TBC1D1: variants seen among roughly 807,000 people sequenced by gnomAD.
TBC1D1 encodes the protein TBC1 (tre-2/USP6, BUB2, cdc16) domain family, member 1.
Under a neutral mutation model 125.6 loss-of-function variants are expected in TBC1D1, and 89 were observed. The ratio of observed to expected loss-of-function variants is 0.71; its 90% confidence interval spans 0.60 to 0.85. The LOEUF is 0.85. Among genes scored for constraint, TBC1D1 ranks in the 40% least tolerant of loss-of-function variants. TBC1D1 has a pLI of 0.00. For missense variants in TBC1D1, 1,377 were observed against 1,469.2 expected (o/e 0.94, Z 1.03); for synonymous variants, 565 against 564.1 (o/e 1.00, Z -0.02).
chr4:38,028,071 A>G (rs753999156), intron 7 of TBC1D1, among the ~76,000 whole-genome samples, 192 bp downstream of exon 7: 181 of 151,946 alleles, frequency 1.2e-3, no homozygotes, highest in Non-Finnish European at 2.2e-3. Flanking sequence ...ATTGTCCTGG[A>G]CCACACATAA....
rs1271339126 is a variant in TBC1D1, at chr4:38,138,500, G to C, written c.*1165G>C. On this transcript the variant is annotated 3_prime_UTR_variant, in exon 20 of 20. Transcript: ENST00000261439. ...AGGCTGAAACTGCAGTCAGATTTATGACAGCTGACAGTTTTTCAGAGGTCG... is the reference window on the plus strand; with the variant it reads ...AGGCTGAAACTGCAGTCAGATTTATCACAGCTGACAGTTTTTCAGAGGTCG... 6.6e-6 allele frequency: 1 copy of C among 152,564 alleles called. No individual in the cohort carries two copies. The highest frequency in any genetic ancestry group is 1.5e-5 in the Non-Finnish European group (1 of 68,028). The allele number at this position is 152,564 out of a possible 1,614,324, so 9.5% of individuals were successfully genotyped here.
chr4:37,934,330 A>G (rs904124092), intron 2 of TBC1D1, among the ~76,000 whole-genome samples: 2 of 152,176 alleles, frequency 1.3e-5, no homozygotes, highest in African/African-American at 4.8e-5. Flanking sequence ...GGCTGTACCC[A>G]GGCACGTGGA....
intron 2 of TBC1D1, among the ~76,000 whole-genome samples, chr4:38,005,870 CATG>C (rs909448219): frequency 3.4e-4 from 52 of 152,306 alleles, no homozygotes; most frequent in African/African-American, 1.3e-3. Flanking sequence ...ATGGAGAAGA[CATG>C]ATGCCATGGT....
At chr4:38,080,120 C>T (rs6825877) in intron 12 of TBC1D1, among the ~76,000 whole-genome samples, 13 of 152,124 alleles carry the variant, frequency 8.5e-5, no homozygotes, top group African/African-American at 1.4e-4. Context: ...GAACTTCTCC[C>T]GTAGACTGAA....
rs1762240948 is a variant in TBC1D1, at chr4:38,111,781, A to T, written c.2558-3929A>T. The T allele has an allele frequency of 1.1e-5, 3 of 262,252 alleles. No individual in the cohort carries two copies. In the South Asian group the frequency reaches 4.3e-4, roughly 38 times the overall value. 16.2% of individuals were successfully genotyped at this position (262,252 alleles called of 1,614,324 possible). ...GAGAACTATTGACCTGGAAGAATGT[A>T]AAATAGGAAAACAGTGTCTCCCCCA... is the stretch of plus-strand genomic sequence containing the variant. On this transcript the variant is annotated intron_variant, in intron 15 of 19. Coordinates refer to ENST00000261439, the MANE Select transcript of TBC1D1 (RefSeq NM_015173.4).
At chr4:38,024,362 C>T (rs1744658025) in intron 6 of TBC1D1, among the ~76,000 whole-genome samples, 2 of 152,336 alleles carry the variant, frequency 1.3e-5, no homozygotes, top group South Asian at 2.1e-4. Flanking sequence ...GAAGATAAAG[C>T]AGAGCACGAT....
rs544113181 is a variant in TBC1D1 at position 38,051,145 on chromosome 4, T to C, written c.1910+1247T>C. Among the ~76,000 whole-genome samples the C allele has an allele frequency of 2.6e-5, 4 of 152,340 alleles. No homozygotes were observed. The East Asian group carries it at 7.7e-4, about 29-fold the overall frequency. On this transcript the variant is annotated intron_variant, in intron 11 of 19. Transcript: ENST00000261439. ...GTTCTCTTGTGAAGTCTGCTGTTTCTCAAAAGCCAGAGTTGATAGGACTTA... is the reference window on the plus strand; with the variant it reads ...GTTCTCTTGTGAAGTCTGCTGTTTCCCAAAAGCCAGAGTTGATAGGACTTA...
chr4:37,910,416 A>T (rs902960244), intron 2 of TBC1D1, among the ~76,000 whole-genome samples: 2 of 152,250 alleles, frequency 1.3e-5, no homozygotes, highest in African/African-American at 2.4e-5. Flanking sequence ...AATATGTAAA[A>T]ATCTCAATAG....
intron 2 of TBC1D1, among the ~76,000 whole-genome samples, chr4:37,950,931 A>G (rs181219375): frequency 6.6e-6 from 1 of 151,718 alleles, no homozygotes; most frequent in Non-Finnish European, 1.5e-5. Context: ...GCTAATTTTT[A>G]TATTTCTTTT....
chr4:38,075,676 G>T lies in TBC1D1; in HGVS notation c.2051-14256G>T, dbSNP rs544964060. Reference sequence around the variant, plus strand: ...CCAGATAAGCATTGTGTAATGGGATGGGTGGGGTTAGATATTTTAGTCACA... The same window carrying T: ...CCAGATAAGCATTGTGTAATGGGATTGGTGGGGTTAGATATTTTAGTCACA... On this transcript the variant is annotated intron_variant, in intron 12 of 19. Coordinates refer to ENST00000261439, the MANE Select transcript of TBC1D1 (RefSeq NM_015173.4). 3.9e-5 allele frequency among the ~76,000 whole-genome samples: 6 copies of T among 152,340 alleles called. No homozygotes were observed. In the South Asian group the frequency reaches 1.0e-3, roughly 26 times the overall value.
At chr4:37,996,745 A>C (rs1415071137) in intron 2 of TBC1D1, among the ~76,000 whole-genome samples, 1 of 152,210 alleles carries the variant, frequency 6.6e-6, no homozygotes, top group Admixed American at 6.5e-5. Context: ...GAAATGTGTA[A>C]ATTTCTATTC....
chr4:38,076,117 A>G (rs1755553054), intron 12 of TBC1D1, among the ~76,000 whole-genome samples: 1 of 152,180 alleles, frequency 6.6e-6, no homozygotes, highest in Non-Finnish European at 1.5e-5. Context: ...AAAGAGGTTG[A>G]CTCACAGTTC....
chr4:38,049,018 A>G (rs1749991996), intron 10 of TBC1D1, among the ~76,000 whole-genome samples: 1 of 152,214 alleles, frequency 6.6e-6, no homozygotes, highest in African/African-American at 2.4e-5. Flanking sequence ...TGAAACTCAG[A>G]TACATTTTTA....
intron 8 of TBC1D1, among the ~76,000 whole-genome samples, chr4:38,039,175 T>A (rs1747858414): frequency 8.1e-6 from 1 of 123,986 alleles, no homozygotes; most frequent in Non-Finnish European, 1.6e-5. Context: ...TGGAGTGCAG[T>A]GGCGCTATCT....
chr4:38,032,561 G>A (rs2152454281), intron 7 of TBC1D1, among the ~76,000 whole-genome samples: 1 of 152,298 alleles, frequency 6.6e-6, no homozygotes, highest in South Asian at 2.1e-4. Context: ...TTGGCCCAGA[G>A]CAGTGGCTCA....
chr4:38,013,720 A>C (rs1742008814), intron 2 of TBC1D1, among the ~76,000 whole-genome samples: 1 of 152,252 alleles, frequency 6.6e-6, no homozygotes, highest in African/African-American at 2.4e-5. Context: ...CAGTAGGGAC[A>C]ACACCGTGGC....
chr4:38,137,587 G>T lies in TBC1D1; in HGVS notation c.*252G>T. The T allele has an allele frequency of 4.8e-6, 2 of 412,754 alleles. No homozygotes were observed. The highest frequency in any genetic ancestry group is 8.3e-6 in the Non-Finnish European group (2 of 241,874). 25.6% of individuals were successfully genotyped at this position (412,754 alleles called of 1,614,324 possible). On this transcript the variant is annotated 3_prime_UTR_variant, in exon 20 of 20. Transcript: ENST00000261439. ...ATTACTGTACACAGTAGCTTTAGAT[G>T]GCGTGGACGTGAATAAATGCAACTT...
chr4:37,924,156 A>G (rs1415362047), intron 2 of TBC1D1, among the ~76,000 whole-genome samples: 2 of 151,620 alleles, frequency 1.3e-5, no homozygotes, highest in African/African-American at 4.9e-5. Context: ...CTGCGCTCTA[A>G]CTGGTGTCAC....
intron 1 of TBC1D1, among the ~76,000 whole-genome samples, chr4:37,893,995 T>C (rs1713969402): frequency 6.6e-6 from 1 of 151,530 alleles, no homozygotes; most frequent in East Asian, 1.9e-4. Context: ...TTTTGACTTT[T>C]TTTTTTTTTT....
Sources: gnomAD v4.1 joint callset for allele counts (sites outside exome capture counted in the v4.1 genomes callset) on GRCh38, gnomAD v4.1.1 for gene constraint, MANE v1.5 for transcripts, NCBI Gene and HGNC (gene_info 2026-07-23, HGNC 2026-07-21) for gene names.